The following PSD3 variants were observed in gnomAD, a reference collection of about 807,000 sequenced individuals.
PSD3 encodes the protein pleckstrin and Sec7 domain containing 3, also known as PH and SEC7 domain-containing protein 3.
Under a neutral mutation model 105.5 loss-of-function variants are expected in PSD3, and 49 were observed. The observed-to-expected ratio is 0.46, with a 90% confidence interval of 0.37 to 0.59. The LOEUF (loss-of-function observed/expected upper bound fraction) is 0.59. PSD3 is among the 20% of genes least tolerant of loss of function. The pLI is 0.00. For missense variants in PSD3, 1,561 were observed against 1,263.8 expected (o/e 1.24, Z -3.57); for synonymous variants, 557 against 457.8 (o/e 1.22, Z -2.77).
At chr8:18,582,338 A>G (rs186546688) in intron 12 of PSD3, among the ~76,000 whole-genome samples, 6 of 152,210 alleles carry the variant, frequency 3.9e-5, no homozygotes, top group African/African-American at 1.4e-4. Flanking sequence ...TCCCTATCTT[A>G]CCTTTTCATG....
chr8:19,023,948 C>G (rs1465781816), intron 1 of PSD3, among the ~76,000 whole-genome samples: 1 of 152,192 alleles, frequency 6.6e-6, no homozygotes, highest in African/African-American at 2.4e-5. Context: ...ACTGTACTGA[C>G]TTGACCATTA....
At chr8:18,953,253 T>C (rs1038165116) in intron 1 of PSD3, among the ~76,000 whole-genome samples, 2 of 152,118 alleles carry the variant, frequency 1.3e-5, no homozygotes, top group Non-Finnish European at 2.9e-5. Context: ...CTGGTTGGGG[T>C]ATAAATTAAT....
intron 7 of PSD3, among the ~76,000 whole-genome samples, chr8:18,800,214 C>G (rs1416989647): frequency 6.6e-6 from 1 of 152,162 alleles, no homozygotes; most frequent in South Asian, 2.1e-4. Context: ...TAAACATATT[C>G]TTAGATTTGA....
At chr8:18,941,212 A>C (rs1306353720) in intron 1 of PSD3, among the ~76,000 whole-genome samples, 1 of 152,238 alleles carries the variant, frequency 6.6e-6, no homozygotes, top group African/African-American at 2.4e-5. Flanking sequence ...AGAAGTATGG[A>C]ACATGAAACA....
chr8:18,857,032 C>T (rs894640524), intron 4 of PSD3, among the ~76,000 whole-genome samples: 1 of 152,222 alleles, frequency 6.6e-6, no homozygotes, highest in Non-Finnish European at 1.5e-5. Flanking sequence ...GAAAATCAAT[C>T]AATCCCTGCT....
intron 4 of PSD3, among the ~76,000 whole-genome samples, chr8:18,809,173 T>C (rs1345183589): frequency 6.6e-6 from 1 of 152,158 alleles, no homozygotes; most frequent in African/African-American, 2.4e-5. Context: ...CGTTCTGTAG[T>C]TTGGATTTTC....
chr8:18,785,948 G>C (rs933224538), intron 8 of PSD3, among the ~76,000 whole-genome samples: 1 of 152,182 alleles, frequency 6.6e-6, no homozygotes, highest in Non-Finnish European at 1.5e-5. Context: ...GCACTGATAA[G>C]ACTCGCTTGA....
chr8:19,035,048 G>A (rs1015964205), intron 1 of PSD3, among the ~76,000 whole-genome samples: 4 of 152,134 alleles, frequency 2.6e-5, no homozygotes, highest in African/African-American at 9.7e-5. Context: ...AATGATTGCA[G>A]ATGAAATGTT....
At chr8:18,953,787 T>C (rs1823392639) in intron 1 of PSD3, among the ~76,000 whole-genome samples, 1 of 151,416 alleles carries the variant, frequency 6.6e-6, no homozygotes, top group Non-Finnish European at 1.5e-5. Flanking sequence ...AAATAAACGA[T>C]AGGATGGAAT....
At chr8:18,771,546 A>C (rs573246388) in intron 8 of PSD3, among the ~76,000 whole-genome samples, 1 of 152,298 alleles carries the variant, frequency 6.6e-6, no homozygotes, top group Non-Finnish European at 1.5e-5. Flanking sequence ...ATTCAACTTC[A>C]TTCTTTTACA....
intron 4 of PSD3, among the ~76,000 whole-genome samples, chr8:18,846,980 C>T (rs1815142812): frequency 6.6e-6 from 1 of 152,132 alleles, no homozygotes; most frequent in East Asian, 1.9e-4. Flanking sequence ...CCCATGCTCC[C>T]TTAACTCTAA....
intron 9 of PSD3, among the ~76,000 whole-genome samples, chr8:18,669,951 C>A (rs1437020926): frequency 6.6e-6 from 1 of 152,062 alleles, no homozygotes; most frequent in Non-Finnish European, 1.5e-5. Context: ...ATTTAGGCAT[C>A]GTGAATCCAG....
At chr8:18,610,866 T>C (rs1408581465) in intron 11 of PSD3, among the ~76,000 whole-genome samples, 1 of 152,190 alleles carries the variant, frequency 6.6e-6, no homozygotes, top group Non-Finnish European at 1.5e-5. Context: ...GGCACTTAGA[T>C]TTTATTCACA....
At chr8:19,006,735 T>C (rs760313034) in intron 1 of PSD3, among the ~76,000 whole-genome samples, 4 of 152,046 alleles carry the variant, frequency 2.6e-5, no homozygotes, top group African/African-American at 7.2e-5. Flanking sequence ...TTACCTATCT[T>C]TAAAACTCAG....
intron 1 of PSD3, among the ~76,000 whole-genome samples, chr8:18,946,690 A>C (rs777892248): frequency 3.2e-4 from 48 of 152,208 alleles, no homozygotes; most frequent in Non-Finnish European, 2.9e-5. Context: ...ACCTGAGGTC[A>C]GGAGTTCAAG....
intron 1 of PSD3, among the ~76,000 whole-genome samples, chr8:18,997,523 G>A (rs1826145307): frequency 1.3e-5 from 2 of 151,954 alleles, no homozygotes; most frequent in African/African-American, 4.8e-5. Context: ...GCAGCAGCAT[G>A]TCCTCCAAGA....
chr8:18,838,726 C>T (rs550661798), intron 4 of PSD3, among the ~76,000 whole-genome samples: 15 of 151,196 alleles, frequency 9.9e-5, no homozygotes, highest in South Asian at 4.2e-4. Context: ...GGCGTGAACC[C>T]GGGAGGCAGA....
chr8:18,819,243 A>G (rs569865096), intron 4 of PSD3, among the ~76,000 whole-genome samples: 1 of 152,320 alleles, frequency 6.6e-6, no homozygotes, highest in South Asian at 2.1e-4. Flanking sequence ...GTCAACAAAT[A>G]CTTTGACAAG....
At chr8:18,959,818 AC>A (rs1389707520) in intron 1 of PSD3, among the ~76,000 whole-genome samples, 3 of 152,190 alleles carry the variant, frequency 2.0e-5, no homozygotes, top group Non-Finnish European at 2.9e-5. Context: ...GTAGTACAGA[AC>A]CAGCTCTGAA....
Sources: allele counts gnomAD v4.1 joint callset (sites outside exome capture counted in the v4.1 genomes callset), GRCh38; gene constraint gnomAD v4.1.1; transcripts MANE v1.5; gene names NCBI Gene and HGNC (gene_info 2026-07-23, HGNC 2026-07-21).